The following DOK6 variants were observed in gnomAD, a reference collection of about 807,000 sequenced individuals.
The protein encoded by DOK6 is downstream of tyrosine kinase 6.
A neutral mutation model predicts 44.0 loss-of-function variants in DOK6; 22 were observed. That is an observed-to-expected ratio of 0.50 (90% CI 0.36 to 0.71). The LOEUF (loss-of-function observed/expected upper bound fraction) is 0.71. Among genes scored for constraint, DOK6 ranks in the 30% least tolerant of loss-of-function variants. The probability of loss-of-function intolerance (pLI) is 0.00; values close to 1 mark genes in which losing one functional copy is unlikely to be tolerated. For synonymous variants in DOK6, 166 were observed against 145.5 expected (o/e 1.14, Z -1.01); for missense variants, 340 against 416.4 (o/e 0.82, Z 1.60).
intron 1 of DOK6, among the ~76,000 whole-genome samples, chr18:69,412,302 T>C (rs907404179): frequency 6.6e-6 from 1 of 152,140 alleles, no homozygotes; most frequent in Non-Finnish European, 1.5e-5. Flanking sequence ...TGGGACCCTC[T>C]ACCTGTGATA....
intron 7 of DOK6, among the ~76,000 whole-genome samples, chr18:69,816,116 T>C (rs886964046): frequency 2.6e-5 from 4 of 152,172 alleles, no homozygotes; most frequent in Non-Finnish European, 4.4e-5. Flanking sequence ...TCATCCTCTA[T>C]GTAGTGATAT....
intron 4 of DOK6, among the ~76,000 whole-genome samples, chr18:69,693,785 G>A (rs1414300123): frequency 6.6e-6 from 1 of 152,050 alleles, no homozygotes. Context: ...TAGGCCGGGC[G>A]CGGTGGTTCA....
chr18:69,412,366 T>C (rs1345972331), intron 1 of DOK6, among the ~76,000 whole-genome samples: 2 of 152,160 alleles, frequency 1.3e-5, no homozygotes, highest in African/African-American at 2.4e-5. Flanking sequence ...GGTAGCACTA[T>C]GGCTTGTGAC....
At chr18:69,629,970 T>C (rs1459733086) in intron 3 of DOK6, among the ~76,000 whole-genome samples, 1 of 151,920 alleles carries the variant, frequency 6.6e-6, no homozygotes, top group Non-Finnish European at 1.5e-5. Flanking sequence ...TTCACCGCGT[T>C]GGCCAGGCTG....
intron 4 of DOK6, among the ~76,000 whole-genome samples, chr18:69,683,338 C>T (rs915361291): frequency 2.0e-5 from 3 of 152,182 alleles, no homozygotes; most frequent in African/African-American, 4.8e-5. Flanking sequence ...ACAATTGTGT[C>T]CCTTCCAAGA....
At chr18:69,503,046 C>A (rs113514683) in intron 1 of DOK6, among the ~76,000 whole-genome samples, 1,955 of 152,010 alleles carry the variant, frequency 0.013, 43 homozygotes, top group African/African-American at 0.046. Flanking sequence ...CTTAAATGAA[C>A]CTTTCATGCA....
intron 7 of DOK6, among the ~76,000 whole-genome samples, chr18:69,809,622 CTG>C (rs1345850139): frequency 6.8e-6 from 1 of 147,852 alleles, no homozygotes; most frequent in Non-Finnish European, 1.5e-5. Flanking sequence ...ACAGACAAAA[CTG>C]TTAAAAATAA....
At chr18:69,781,199 AT>A (rs1568124685) in intron 7 of DOK6, 1 of 152,090 alleles carries the variant, frequency 6.6e-6, no homozygotes, top group East Asian at 1.9e-4. Flanking sequence ...CTTAAAGAGG[AT>A]TTTTTTCTAT....
intron 6 of DOK6, among the ~76,000 whole-genome samples, chr18:69,754,746 C>T (rs1332764684): frequency 6.6e-6 from 1 of 152,180 alleles, no homozygotes; most frequent in East Asian, 1.9e-4. Context: ...TCCTCTTCAT[C>T]TAAGGGCACA....
intron 1 of DOK6, among the ~76,000 whole-genome samples, chr18:69,488,802 G>A (rs918658564): frequency 2.0e-5 from 3 of 152,104 alleles, no homozygotes; most frequent in African/African-American, 7.2e-5. Flanking sequence ...ATGAGATCTG[G>A]GTGGGGACAC....
rs546806367 is a variant in DOK6 at position 69,544,850 on chromosome 18, G to A, written c.67-19637G>A. 1.8e-4 allele frequency among the ~76,000 whole-genome samples: 27 copies of A among 151,442 alleles called. 1 individual carries two copies. Among genetic ancestry groups the A allele is most frequent in the African/African-American group, 6.5e-4 (27 of 41,456 alleles). On this transcript the variant is annotated intron_variant, in intron 1 of 7. Transcript: ENST00000382713. ...TTGATTTAAAAAAAAATTACAACCC[G>A]CCAGGTGCGATGGCACACGCCTGTA... is the stretch of plus-strand genomic sequence containing the variant.
chr18:69,468,869 C>T (rs1351596742), intron 1 of DOK6, among the ~76,000 whole-genome samples: 2 of 152,056 alleles, frequency 1.3e-5, no homozygotes, highest in African/African-American at 4.8e-5. Context: ...AGAGATAAAG[C>T]TCTGGATAAA....
intron 1 of DOK6, among the ~76,000 whole-genome samples, chr18:69,528,705 G>A (rs17204260): frequency 0.03 from 4,560 of 152,248 alleles, 81 homozygotes; most frequent in Middle Eastern, 0.048. Flanking sequence ...CATCCATGAC[G>A]TAGCTCTATC....
chr18:69,441,937 G>A (rs1979148497), intron 1 of DOK6, among the ~76,000 whole-genome samples: 1 of 152,134 alleles, frequency 6.6e-6, no homozygotes, highest in Non-Finnish European at 1.5e-5. Context: ...GGAAGGCAGA[G>A]TTCAGAAAAA....
At chr18:69,777,910 C>G (rs1274787083) in intron 7 of DOK6, 1 of 151,916 alleles carries the variant, frequency 6.6e-6, no homozygotes, top group African/African-American at 2.4e-5. Context: ...AATCGGCACT[C>G]CGATTTAACA....
In DOK6 at chr18:69,847,040, T is replaced by G. The variant is rs1982359809; in HGVS notation, c.*5657T>G. On this transcript the variant is annotated 3_prime_UTR_variant, in exon 8 of 8. Coordinates refer to ENST00000382713, the MANE Select transcript of DOK6 (RefSeq NM_152721.6). ...ACACTTTTCTCCTACCTTAAGATTT[T>G]AACATCTTGTAAATATTAATATTTG... 1 of 152,310 alleles carries G rather than the reference T, an allele frequency of 6.6e-6. No homozygotes were observed. The highest frequency in any genetic ancestry group is 1.9e-4 in the East Asian group (1 of 5,188). 9.4% of individuals were successfully genotyped at this position (152,310 alleles called of 1,614,324 possible). A position where few individuals can be genotyped will look rare whatever the true frequency, so the allele number is the denominator to read the frequency against.
At chr18:69,403,652 CTTTTT>C (rs11336250) in intron 1 of DOK6, among the ~76,000 whole-genome samples, 2 of 151,368 alleles carry the variant, frequency 1.3e-5, no homozygotes, top group Non-Finnish European at 2.9e-5. Flanking sequence ...ATTTTGGGAA[CTTTTT>C]TTTTAAGTCA....
intron 1 of DOK6, among the ~76,000 whole-genome samples, chr18:69,446,677 T>A (rs1174515986): frequency 6.6e-6 from 1 of 152,194 alleles, no homozygotes; most frequent in African/African-American, 2.4e-5. Flanking sequence ...CCACCAACAG[T>A]GTCAAAGTGT....
At chr18:69,721,701 C>T (rs1041449446) in intron 5 of DOK6, among the ~76,000 whole-genome samples, 1 of 144,984 alleles carries the variant, frequency 6.9e-6, no homozygotes, top group African/African-American at 2.5e-5. Flanking sequence ...TTTTAAAATG[C>T]AGTAGAAGCA....
Sources: allele counts gnomAD v4.1 joint callset (sites outside exome capture counted in the v4.1 genomes callset), GRCh38; gene constraint gnomAD v4.1.1; transcripts MANE v1.5; gene names NCBI Gene and HGNC (gene_info 2026-07-23, HGNC 2026-07-21).